Variants in NCKAP5 observed in about 807,000 individuals in gnomAD.
NCKAP5 encodes NCK associated protein 5.
Under a neutral mutation model 167.0 loss-of-function variants are expected in NCKAP5, and 92 were observed. That is an observed-to-expected ratio of 0.55 (90% CI 0.47 to 0.66). The LOEUF is 0.66. NCKAP5 is among the 30% of genes least tolerant of loss of function. The pLI, the probability that NCKAP5 is intolerant of heterozygous loss-of-function variation, is 0.00. For synonymous variants in NCKAP5, 891 were observed against 877.4 expected, an observed-to-expected ratio of 1.02 and a Z score of -0.27; for missense variants, 2,378 against 2,315.0, an observed-to-expected ratio of 1.03 and a Z score of -0.56.
chr2:133,321,069 G>A (rs1468646832), intron 3 of NCKAP5, among the ~76,000 whole-genome samples: 1 of 152,174 alleles, frequency 6.6e-6, no homozygotes. Flanking sequence ...AAGAAGTGGA[G>A]GCTCCATCCA....
At chr2:133,127,876 T>C (rs1291400032) in intron 6 of NCKAP5, among the ~76,000 whole-genome samples, 1 of 152,016 alleles carries the variant, frequency 6.6e-6, no homozygotes, top group African/African-American at 2.4e-5. Context: ...CTATGAGGGG[T>C]GGGACATGCA....
intron 6 of NCKAP5, among the ~76,000 whole-genome samples, chr2:133,115,687 T>C (rs1052470174): frequency 4.0e-5 from 6 of 150,388 alleles, no homozygotes; most frequent in South Asian, 2.1e-4. Flanking sequence ...TACATCTCTT[T>C]CTGTATGTTT....
chr2:133,457,447 T>G (rs572855458), intron 3 of NCKAP5, among the ~76,000 whole-genome samples: 2 of 152,298 alleles, frequency 1.3e-5, no homozygotes, highest in African/African-American at 4.8e-5. Flanking sequence ...ACACCATTTC[T>G]AAGACAGAAT....
intron 7 of NCKAP5, among the ~76,000 whole-genome samples, chr2:132,981,954 A>T (rs1464791636): frequency 6.6e-6 from 1 of 152,200 alleles, no homozygotes; most frequent in Non-Finnish European, 1.5e-5. Context: ...TCTCCTGCCT[A>T]GGAATCTGAC....
chr2:133,178,887 T>A (rs1017734379), intron 5 of NCKAP5, among the ~76,000 whole-genome samples: 1 of 146,638 alleles, frequency 6.8e-6, no homozygotes, highest in African/African-American at 2.5e-5. Flanking sequence ...CAGCAGGGCC[T>A]AAGCATGGTA....
intron 5 of NCKAP5, among the ~76,000 whole-genome samples, chr2:133,207,835 C>T (rs1453721105): frequency 6.6e-6 from 1 of 152,052 alleles, no homozygotes; most frequent in African/African-American, 2.4e-5. Flanking sequence ...GACAAACATC[C>T]CATGCAGGAG....
At chr2:132,766,244 C>A (rs1015457039) in intron 16 of NCKAP5, among the ~76,000 whole-genome samples, 1 of 144,162 alleles carries the variant, frequency 6.9e-6, no homozygotes, top group Non-Finnish European at 1.5e-5. Flanking sequence ...CGCACCACTA[C>A]CCTCCAGCCT....
chr2:133,276,278 A>G (rs1480971226), intron 4 of NCKAP5, among the ~76,000 whole-genome samples: 1 of 152,140 alleles, frequency 6.6e-6, no homozygotes, highest in Non-Finnish European at 1.5e-5. Context: ...AGTCAACAAT[A>G]CCATATTAAT....
rs1315934812 is a variant in NCKAP5, at chr2:132,982,602, T to G, written c.429+11550A>C. Among the ~76,000 whole-genome samples, 4 of 152,234 alleles carry G rather than the reference T, an allele frequency of 2.6e-5. No individual in the cohort carries two copies. The East Asian group carries it at 7.7e-4, about 29-fold the overall frequency. On this transcript the variant is annotated intron_variant, in intron 7 of 19. Transcript: ENST00000409261. ...GTGATGCTCAGGTTAGGGGTATGAC[T>G]GATCCCATCACCTAGGTAGCAAGCA...
chr2:133,052,339 G>A (rs956982575), intron 6 of NCKAP5, among the ~76,000 whole-genome samples: 2 of 152,170 alleles, frequency 1.3e-5, no homozygotes, highest in Non-Finnish European at 2.9e-5. Context: ...AGTGGGCAAT[G>A]AATGCAGGGA....
At chr2:132,931,491 T>A (rs1232712993) in intron 8 of NCKAP5, 1 of 152,216 alleles carries the variant, frequency 6.6e-6, no homozygotes, top group African/African-American at 2.4e-5. Flanking sequence ...ACCTTTAAAT[T>A]TAACCTGGGT....
intron 8 of NCKAP5, among the ~76,000 whole-genome samples, chr2:132,893,236 G>A (rs1338682547): frequency 6.6e-6 from 1 of 152,156 alleles, no homozygotes; most frequent in Non-Finnish European, 1.5e-5. Context: ...CCCATTTTAG[G>A]ATACTTTGGT....
intron 11 of NCKAP5, among the ~76,000 whole-genome samples, chr2:132,860,210 T>C (rs974714479): frequency 4.6e-5 from 7 of 152,238 alleles, no homozygotes; most frequent in African/African-American, 1.7e-4. Flanking sequence ...AATTATTTCC[T>C]AACTCCTTTC....
At chr2:133,518,759 G>A (rs1045484020) in intron 2 of NCKAP5, among the ~76,000 whole-genome samples, 35 of 152,086 alleles carry the variant, frequency 2.3e-4, no homozygotes, top group African/African-American at 6.0e-4. Context: ...GCAATCAAAT[G>A]ATGTATGGGA....
the NCKAP5 span, among the ~76,000 whole-genome samples, chr2:133,602,749 C>T: frequency 1.3e-5 from 2 of 152,180 alleles, no homozygotes; most frequent in East Asian, 3.9e-4. Flanking sequence ...CTTCAGCCTG[C>T]TGGCCATGGT....
At chr2:132,848,474 G>T (rs937611762) in intron 11 of NCKAP5, among the ~76,000 whole-genome samples, 2 of 152,146 alleles carry the variant, frequency 1.3e-5, no homozygotes, top group African/African-American at 2.4e-5. Flanking sequence ...ATGTAACAAT[G>T]AAATATGAGC....
At chr2:132,914,669 T>C (rs1204318683) in intron 8 of NCKAP5, among the ~76,000 whole-genome samples, 1 of 152,080 alleles carries the variant, frequency 6.6e-6, no homozygotes, top group East Asian at 1.9e-4. Context: ...AAAGGACTTC[T>C]GAATTCTATG....
At chr2:133,321,991 C>T (rs1035493275) in intron 3 of NCKAP5, among the ~76,000 whole-genome samples, 1 of 152,126 alleles carries the variant, frequency 6.6e-6, no homozygotes, top group African/African-American at 2.4e-5. Flanking sequence ...TGCAACCTGG[C>T]CCACATCAAA....
intron 6 of NCKAP5, among the ~76,000 whole-genome samples, chr2:133,039,899 A>G (rs1038128659): frequency 2.0e-5 from 3 of 152,236 alleles, no homozygotes; most frequent in African/African-American, 4.8e-5. Context: ...GCAGTATTAC[A>G]TATTAATGAA....
Sources: allele counts gnomAD v4.1 joint callset (sites outside exome capture counted in the v4.1 genomes callset), GRCh38; gene constraint gnomAD v4.1.1; transcripts MANE v1.5; gene names NCBI Gene and HGNC (gene_info 2026-07-23, HGNC 2026-07-21).